The following MELK variants were observed in gnomAD, a reference collection of about 807,000 sequenced individuals.
MELK encodes pEg3 kinase.
MELK carries 81 observed loss-of-function variants against 85.0 expected under a neutral mutation model. That is an observed-to-expected ratio of 0.95 (90% CI 0.80 to 1.15). The LOEUF (loss-of-function observed/expected upper bound fraction) is 1.15. Among genes scored for constraint, MELK ranks in the 50% most tolerant of loss-of-function variants. MELK has a pLI of 0.00. For synonymous variants in MELK, 252 were observed against 265.0 expected, an observed-to-expected ratio of 0.95 and a Z score of 0.48; for missense variants, 754 against 777.5, an observed-to-expected ratio of 0.97 and a Z score of 0.36.
intron 5 of MELK, among the ~76,000 whole-genome samples, chr9:36,596,395 A>G (rs939562902): frequency 1.3e-5 from 2 of 151,890 alleles, no homozygotes; most frequent in African/African-American, 2.4e-5. Context: ...AGCTGGGACT[A>G]CAGGCGCCTG....
At chr9:36,629,926 C>A (rs1828358775) in intron 8 of MELK, 1 of 149,568 alleles carries the variant, frequency 6.7e-6, no homozygotes, top group Non-Finnish European at 1.4e-5. Context: ...CTCACTGCAA[C>A]CTCCGTCTCC....
chr9:36,674,385 T>C (rs1489137919), intron 16 of MELK, among the ~76,000 whole-genome samples: 1 of 152,220 alleles, frequency 6.6e-6, no homozygotes, highest in African/African-American at 2.4e-5. Flanking sequence ...TCTATAATAT[T>C]CTTTAAATAA....
chr9:36,663,885 C>A (rs778907583), intron 13 of MELK, among the ~76,000 whole-genome samples: 3 of 152,132 alleles, frequency 2.0e-5, no homozygotes, highest in Non-Finnish European at 4.4e-5. Flanking sequence ...GTATTGATTT[C>A]TTTTCCTTTG....
chr9:36,628,448 T>G (rs538432813), intron 8 of MELK, among the ~76,000 whole-genome samples: 3 of 152,156 alleles, frequency 2.0e-5, no homozygotes, highest in Non-Finnish European at 4.4e-5. Flanking sequence ...TGAGACGGAA[T>G]CTTGCTGTAT....
At chr9:36,621,303 A>AAAAAAAAAAAAAAAAAAAAAAAAAAAAAG (rs1827414509) in intron 8 of MELK, among the ~76,000 whole-genome samples, 1 of 130,230 alleles carries the variant, frequency 7.7e-6, no homozygotes, top group Non-Finnish European at 1.6e-5. Context: ...AAAAAAAAAA[A>AAAAAAAAAAAAAAAAAAAAAAAAAAAAAG]AAAAAAAAAA....
intron 4 of MELK, 115 bp downstream of exon 4, chr9:36,589,767 G>A (rs1235947643): frequency 1.1e-5 from 8 of 719,718 alleles, no homozygotes; most frequent in Admixed American, 2.5e-5. Context: ...TACCTGTTTT[G>A]TTCCATTTGT....
chr9:36,601,115 CCTTTT>C (rs1824876604), intron 7 of MELK, among the ~76,000 whole-genome samples: 1 of 151,834 alleles, frequency 6.6e-6, no homozygotes, highest in Non-Finnish European at 1.5e-5. Context: ...AAAGCAAAGA[CCTTTT>C]CTTTTATAAC....
chr9:36,576,899 C>A (rs1821718665), intron 1 of MELK, among the ~76,000 whole-genome samples: 1 of 152,148 alleles, frequency 6.6e-6, no homozygotes, highest in African/African-American at 2.4e-5. Context: ...ATCAGTGTTT[C>A]AGGCATAGAA....
At chr9:36,633,002 T>G in intron 9 of MELK, 100 bp from the exon 10 acceptor site, 1 of 809,480 alleles carries the variant, frequency 1.2e-6, no homozygotes, top group South Asian at 1.6e-5. Context: ...GATGATAAAG[T>G]TTACATCTGT....
intron 1 of MELK, among the ~76,000 whole-genome samples, chr9:36,580,535 T>G (rs1822120891): frequency 6.6e-6 from 1 of 151,346 alleles, no homozygotes; most frequent in Admixed American, 6.6e-5. Context: ...GTCAGGCTGG[T>G]CTCGAACCCT....
At position 36,599,682 on chromosome 9, in the gene MELK, A is replaced by G. The variant is rs1824708673; in HGVS notation, c.567+196A>G. Among the ~76,000 whole-genome samples the G allele has an allele frequency of 1.3e-5, 2 of 152,218 alleles. 1 individual carries two copies. The highest frequency in any genetic ancestry group is 4.1e-4 in the South Asian group (2 of 4,826). On this transcript the variant is annotated intron_variant, in intron 7 of 17. Coordinates refer to ENST00000298048, the MANE Select transcript of MELK (RefSeq NM_014791.4). ...AATAACTTGCAATAAATATAGTAAC[A>G]TATACTTATGAAGCAGGGATATTTC...
chr9:36,582,840 GGAA>G lies in MELK; in HGVS notation c.59-781_59-779del, dbSNP rs200446096. ...AAAATGGAGTTGCCCTTTGTTGAAA[GGAA>G]GAAGACCATGGGAGAGACTACTAGG... On this transcript the variant is annotated intron_variant, in intron 2 of 17. Coordinates refer to ENST00000298048, the MANE Select transcript of MELK (RefSeq NM_014791.4). Among the ~76,000 whole-genome samples the G allele has an allele frequency of 1.2e-3, 182 of 152,272 alleles. 4 individuals are homozygous for G. The East Asian group carries it at 0.032, about 27-fold the overall frequency.
chr9:36,636,140 C>T (rs573409666), intron 10 of MELK, among the ~76,000 whole-genome samples: 24 of 152,106 alleles, frequency 1.6e-4, no homozygotes, highest in South Asian at 8.3e-4. Flanking sequence ...GTGGATATTA[C>T]TATAGGACTT....
At chr9:36,632,382 T>A (rs1462967084) in intron 9 of MELK, among the ~76,000 whole-genome samples, 1 of 152,204 alleles carries the variant, frequency 6.6e-6, no homozygotes, top group Non-Finnish European at 1.5e-5. Flanking sequence ...TGTAGTGTTA[T>A]AAGGACAAAA....
chr9:36,674,044 G>T (rs1236153578), intron 16 of MELK, among the ~76,000 whole-genome samples: 1 of 152,048 alleles, frequency 6.6e-6, no homozygotes, highest in African/African-American at 2.4e-5. Context: ...AAGATAGTTG[G>T]ATACTTTTCT....
At position 36,633,205 on chromosome 9, in the gene MELK, G is replaced by T; in HGVS notation, c.834+5G>T. On this transcript the variant is annotated splice_donor_5th_base_variant and intron_variant, in intron 10 of 17. Coordinates refer to ENST00000298048, the MANE Select transcript of MELK (RefSeq NM_014791.4). ...GAGTGGCAAAGCAAGAATCCTGTAA[G>T]TAAAATGAAATCCAGTAGAATTTTT... 6.3e-7 allele frequency: 1 copy of T among 1,588,234 alleles called. No homozygotes were observed. The highest frequency in any genetic ancestry group is 1.2e-5 in the South Asian group (1 of 86,316).
chr9:36,587,734 T>G (rs1823076623), intron 3 of MELK, among the ~76,000 whole-genome samples: 1 of 151,730 alleles, frequency 6.6e-6, no homozygotes, highest in African/African-American at 2.4e-5. Flanking sequence ...GTAGCTGGGA[T>G]TACAGGCATG....
intron 3 of MELK, among the ~76,000 whole-genome samples, chr9:36,584,053 T>G (rs1822560070): frequency 6.6e-6 from 1 of 152,140 alleles, no homozygotes; most frequent in African/African-American, 2.4e-5. Context: ...TCGCCCAGGC[T>G]GGAGTACAGT....
chr9:36,611,924 CACT>C (rs552752780), intron 8 of MELK, among the ~76,000 whole-genome samples: 1 of 151,906 alleles, frequency 6.6e-6, no homozygotes, highest in Non-Finnish European at 1.5e-5. Flanking sequence ...AGGTGGGCAC[CACT>C]ATGCCTGGCT....
Sources: allele counts gnomAD v4.1 joint callset (sites outside exome capture counted in the v4.1 genomes callset), GRCh38; gene constraint gnomAD v4.1.1; transcripts MANE v1.5; gene names NCBI Gene and HGNC (gene_info 2026-07-23, HGNC 2026-07-21).